The following INPP5B variants were observed in gnomAD, a reference collection of about 807,000 sequenced individuals.
INPP5B encodes inositol polyphosphate-5-phosphatase B, also known as type II inositol 1,4,5-trisphosphate 5-phosphatase.
INPP5B carries 90 observed loss-of-function variants against 118.5 expected under a neutral mutation model. The ratio of observed to expected loss-of-function variants is 0.76; its 90% CI spans 0.64 to 0.90. The LOEUF (loss-of-function observed/expected upper bound fraction) is 0.90. INPP5B is among the 40% of genes least tolerant of loss of function. The probability of loss-of-function intolerance (pLI) is 0.00; values close to 1 mark genes in which losing one functional copy is unlikely to be tolerated. For synonymous variants in INPP5B, 385 were observed against 418.9 expected, an observed-to-expected ratio of 0.92 and a Z score of 0.99; for missense variants, 984 against 1,125.6, an observed-to-expected ratio of 0.87 and a Z score of 1.80.
Position 37,946,278 on chromosome 1 carries a change from G to A in INPP5B, c.31C>T (p.Leu11=), listed in dbSNP as rs376153586. The A allele has an allele frequency of 1.2e-6, 2 of 1,611,938 alleles. No homozygotes were observed. Among genetic ancestry groups the A allele is most frequent in the African/African-American group, 2.7e-5 (2 of 74,914 alleles). MDQSVAIQET[L]AEGEYCVIAV... ...ATGACGCAGTATTCCCCCTCAGCCA[G>A]CGTCTCCTGGATTGCCACAGACTGG... is the stretch of plus-strand genomic sequence containing the variant. Residue 11 remains leucine (L), a synonymous_variant, in exon 2 of 24, where the codon CTG becomes TTG. Coordinates refer to ENST00000373024, the MANE Select transcript of INPP5B (RefSeq NM_005540.3).
At chr1:37,913,998 C>T (rs1373150601) in intron 7 of INPP5B, among the ~76,000 whole-genome samples, 8 of 152,098 alleles carry the variant, frequency 5.3e-5, no homozygotes, top group South Asian at 2.1e-4. Flanking sequence ...ATATTCTCCC[C>T]GCCCTTGAGA....
intron 5 of INPP5B, among the ~76,000 whole-genome samples, chr1:37,942,832 C>G (rs1314065309): frequency 6.7e-6 from 1 of 149,346 alleles, no homozygotes; most frequent in Non-Finnish European, 1.5e-5. Context: ...TCACTTGAAC[C>G]TGGGAGGCGG....
chr1:37,926,148 G>A (rs1645219345), intron 7 of INPP5B, among the ~76,000 whole-genome samples: 1 of 152,160 alleles, frequency 6.6e-6, no homozygotes, highest in African/African-American at 2.4e-5. Flanking sequence ...TGGTAAACTA[G>A]GTTACCCTTT....
chr1:37,946,401 CAG>C, intron 1 of INPP5B, 67 bp from the exon 2 acceptor site: 1 of 1,215,800 alleles, frequency 8.2e-7, no homozygotes, highest in Non-Finnish European at 1.2e-6. Flanking sequence ...GGAGCTGCCT[CAG>C]AGGGGTTGGG....
chr1:37,934,151 C>G (rs953305665), intron 6 of INPP5B, among the ~76,000 whole-genome samples: 1 of 151,948 alleles, frequency 6.6e-6, no homozygotes, highest in Non-Finnish European at 1.5e-5. Context: ...TCAGTCTGGT[C>G]TCGAACTCCT....
At chr1:37,901,827 C>T (rs921204000) in intron 7 of INPP5B, among the ~76,000 whole-genome samples, 1 of 152,134 alleles carries the variant, frequency 6.6e-6, no homozygotes. Flanking sequence ...CCCCCTCTGG[C>T]CACAGCTTCC....
intron 6 of INPP5B, among the ~76,000 whole-genome samples, chr1:37,937,205 G>C (rs901221480): frequency 6.6e-6 from 1 of 151,898 alleles, no homozygotes; most frequent in East Asian, 1.9e-4. Flanking sequence ...CAGCTACTCA[G>C]GAGGCTGAAG....
intron 7 of INPP5B, chr1:37,931,167 T>C (rs1053389152): frequency 2.9e-5 from 6 of 209,612 alleles, no homozygotes; most frequent in Non-Finnish European, 5.8e-5. Context: ...TGGCCTCTAG[T>C]CCCAGAGTAG....
intron 13 of INPP5B, chr1:37,883,501 C>T (rs968279157): frequency 1.0e-6 from 1 of 985,448 alleles, no homozygotes; most frequent in Non-Finnish European, 1.2e-6. Context: ...AAAAAGCTAA[C>T]TGAAGGCTCC....
At chr1:37,931,761 G>A (rs762121085) in intron 7 of INPP5B, 152 bp downstream of exon 7, 1 of 1,602,540 alleles carries the variant, frequency 6.2e-7, no homozygotes, top group Non-Finnish European at 8.5e-7. Context: ...CGTCCCGCGC[G>A]CTCCGCCCCC....
chr1:37,900,487 TC>T lies in INPP5B; in HGVS notation c.533-9034del, dbSNP rs200188753. Among the ~76,000 whole-genome samples the T allele has an allele frequency of 9.0e-3, 1,370 of 151,734 alleles. 28 individuals are homozygous for T. The highest frequency in any genetic ancestry group is 0.032 in the African/African-American group (1,310 of 41,380). Reference sequence around the variant, plus strand: ...TCAGGCTGGTCTTGAACTCCTGACTTCATGATCCGCCCGCCTCAGCCTCTCA... The same window carrying T: ...TCAGGCTGGTCTTGAACTCCTGACTTATGATCCGCCCGCCTCAGCCTCTCA... On this transcript the variant is annotated intron_variant, in intron 7 of 23. Transcript: ENST00000373024.
chr1:37,903,393 T>C (rs561682241), intron 7 of INPP5B, among the ~76,000 whole-genome samples: 1 of 152,222 alleles, frequency 6.6e-6, no homozygotes, highest in South Asian at 2.1e-4. Flanking sequence ...TGGGGAGGCT[T>C]GAATAATCTA....
At chr1:37,924,853 C>A (rs1645172241) in intron 7 of INPP5B, among the ~76,000 whole-genome samples, 2 of 152,060 alleles carry the variant, frequency 1.3e-5, no homozygotes, top group South Asian at 4.1e-4. Flanking sequence ...GCCTGGCCAA[C>A]ATGGTGAAAC....
At chr1:37,872,704 A>C (rs1327721172) in intron 19 of INPP5B, among the ~76,000 whole-genome samples, 7 of 151,118 alleles carry the variant, frequency 4.6e-5, no homozygotes, top group African/African-American at 1.7e-4. Context: ...CAAGCAGAAG[A>C]CCCACATGGG....
chr1:37,867,229 C>T (rs963371127), intron 20 of INPP5B, among the ~76,000 whole-genome samples: 8 of 152,110 alleles, frequency 5.3e-5, no homozygotes, highest in Admixed American at 5.2e-4. Context: ...GACTCCATCT[C>T]AATAAAAACA....
chr1:37,900,215 G>A (rs1335452795), intron 7 of INPP5B, among the ~76,000 whole-genome samples: 1 of 151,248 alleles, frequency 6.6e-6, no homozygotes, highest in Non-Finnish European at 1.5e-5. Flanking sequence ...CTGCGTAGCT[G>A]GGACTACAGG....
chr1:37,946,135 T>G lies in INPP5B; in HGVS notation c.57+117A>C, dbSNP rs1570437266. On this transcript the variant is annotated intron_variant, in intron 2 of 23. Coordinates refer to ENST00000373024, the MANE Select transcript of INPP5B (RefSeq NM_005540.3). ...CAGTAAGTACTTAGTAAATACTGAT[T>G]TCCTTCTCCCCTGATGGTTCAGAGG... The G allele has an allele frequency of 5.1e-6, 5 of 983,604 alleles. No individual in the cohort carries two copies. In the East Asian group the frequency reaches 1.3e-4, roughly 26 times the overall value. 60.9% of individuals were successfully genotyped at this position (983,604 alleles called of 1,614,324 possible). A position where few individuals can be genotyped will look rare whatever the true frequency, so the allele number is the denominator to read the frequency against.
intron 7 of INPP5B, among the ~76,000 whole-genome samples, chr1:37,914,186 T>G (rs1429918652): frequency 1.3e-5 from 2 of 152,204 alleles, no homozygotes; most frequent in Non-Finnish European, 2.9e-5. Flanking sequence ...ATCCACCCCT[T>G]GTTTAGCATA....
At chr1:37,936,649 T>C (rs966044623) in intron 6 of INPP5B, among the ~76,000 whole-genome samples, 1 of 151,282 alleles carries the variant, frequency 6.6e-6, no homozygotes, top group African/African-American at 2.4e-5. Context: ...GGGCTGTTTA[T>C]AGGGGAGAGG....
Sources: gnomAD v4.1 joint callset for allele counts (sites outside exome capture counted in the v4.1 genomes callset) on GRCh38, gnomAD v4.1.1 for gene constraint, MANE v1.5 for transcripts, NCBI Gene and HGNC (gene_info 2026-07-23, HGNC 2026-07-21) for gene names.